Variants in ZCRB1 observed in about 807,000 individuals in gnomAD.
The protein encoded by ZCRB1 is zinc finger CCHC-type and RNA-binding motif-containing protein 1.
A neutral mutation model predicts 29.9 loss-of-function variants in ZCRB1; 21 were observed. That is an observed-to-expected ratio of 0.70 (90% CI 0.50 to 1.01). The LOEUF (loss-of-function observed/expected upper bound fraction) is 1.01, where lower values mean the gene tolerates loss of function less well. Ranked by LOEUF, ZCRB1 falls within the 50% of genes least tolerant of loss-of-function variation. The pLI is 0.00. For missense variants in ZCRB1, 204 were observed against 253.3 expected (o/e 0.81, Z 1.32); for synonymous variants, 77 against 80.0 (o/e 0.96, Z 0.20).
rs752893821 is a variant in ZCRB1 at position 42,317,390 on chromosome 12, A to G, written c.283T>C (p.Phe95Leu). 1 of 1,612,910 alleles carries G rather than the reference A, an allele frequency of 6.2e-7. No individual in the cohort carries two copies. The highest frequency in any genetic ancestry group is 2.2e-5 in the East Asian group (1 of 44,800). The part of the protein sequence containing the change: ...IAIDNGRAAE[F>L]IRRRNYFDKS... ...TCAAAGTAGTTTCGCCTTCGGATGA[A>G]CTCAGCTGCTCTTCCATTGTCAATA... The change falls in exon 5 of 8, where the codon TTC becomes CTC. Residue 95 changes from phenylalanine (F) to leucine (L), a missense_variant. Physicochemically the swap from Phe to Leu is conservative, Grantham distance 22. Coordinates refer to ENST00000266529, the MANE Select transcript of ZCRB1 (RefSeq NM_033114.4).
Position 42,317,765 on chromosome 12 carries a change from T to C in ZCRB1, c.225+22A>G, listed in dbSNP as rs113567879. ...CATAAAGGCTTTGGGGCTAAAAACCTTGATGGAGATGAATAGCTTACCTGT... is the reference window on the plus strand; with the variant it reads ...CATAAAGGCTTTGGGGCTAAAAACCCTGATGGAGATGAATAGCTTACCTGT... On this transcript the variant is annotated intron_variant, in intron 4 of 7. Coordinates refer to ENST00000266529, the MANE Select transcript of ZCRB1 (RefSeq NM_033114.4). 3.9e-4 allele frequency: 626 copies of C among 1,607,606 alleles called. 1 individual carries two copies. In the African/African-American group the frequency reaches 5.8e-3, roughly 15 times the overall value.
intron 3 of ZCRB1, among the ~76,000 whole-genome samples, chr12:42,318,290 TATATTCTTA>T (rs2068604703): frequency 6.6e-6 from 1 of 152,176 alleles, no homozygotes; most frequent in Non-Finnish European, 1.5e-5. Flanking sequence ...AGAATCAAAG[TATATTCTTA>T]ATATTCTTTT....
rs1049738613 is a variant in ZCRB1 at position 42,312,788 on chromosome 12, A to G, written c.*279T>C. 1.0e-5 allele frequency: 2 copies of G among 193,954 alleles called. No homozygotes were observed. Among genetic ancestry groups the G allele is most frequent in the African/African-American group, 4.6e-5 (2 of 43,092 alleles). The allele number at this position is 193,954 out of a possible 1,614,324, so 12.0% of individuals were successfully genotyped here. A position where few individuals can be genotyped will look rare whatever the true frequency, so the allele number is the denominator to read the frequency against. On this transcript the variant is annotated 3_prime_UTR_variant, in exon 8 of 8. Transcript: ENST00000266529. ...ATATTTAAAGACAAAATTCTCTTGAAAAGTTTATTAATATAAGTAACAATA... is the reference window on the plus strand; with the variant it reads ...ATATTTAAAGACAAAATTCTCTTGAGAAGTTTATTAATATAAGTAACAATA...
chr12:42,324,288 A>G (rs2068643660), intron 1 of ZCRB1, among the ~76,000 whole-genome samples, 184 bp from the exon 2 acceptor site: 1 of 152,164 alleles, frequency 6.6e-6, no homozygotes, highest in African/African-American at 2.4e-5. Context: ...AGCTGGGATT[A>G]TAGGCATCCA....
Position 42,322,439 on chromosome 12 carries a change from G to T in ZCRB1, c.92C>A (p.Ser31Tyr). Residue 31 changes from serine to tyrosine, a missense_variant, in exon 3 of 8, where the codon TCC (serine) becomes TAC (tyrosine). Transcript: ENST00000266529. ...TTACTTTACAACTTTGCCATACTTG[G>T]AAAATATCTGAAACAAAAGACCAAA... ...LTNNDLYRIF[S>Y]KYGKVVKVTI... The T allele has an allele frequency of 1.4e-6, 2 of 1,480,920 alleles. No individual in the cohort carries two copies. Among genetic ancestry groups the T allele is most frequent in the Non-Finnish European group, 1.8e-6 (2 of 1,097,914 alleles). The allele number at this position is 1,480,920 out of a possible 1,614,324, so 91.7% of individuals were successfully genotyped here. A position where few individuals can be genotyped will look rare whatever the true frequency, so the allele number is the denominator to read the frequency against.
At chr12:42,318,793 G>C (rs1294042824) in intron 3 of ZCRB1, among the ~76,000 whole-genome samples, 1 of 152,154 alleles carries the variant, frequency 6.6e-6, no homozygotes, top group African/African-American at 2.4e-5. Context: ...ATGAATGAAT[G>C]AATGATGGGG....
At chr12:42,313,790 A>T (rs771972765) in intron 6 of ZCRB1, 25 bp from the exon 7 acceptor site, 6 of 1,613,200 alleles carry the variant, frequency 3.7e-6, no homozygotes, top group Non-Finnish European at 5.1e-6. Context: ...AACAAATTGG[A>T]ATGTAACCAA....
At chr12:42,317,933 G>T in intron 3 of ZCRB1, 35 bp from the exon 4 acceptor site, 1 of 1,538,134 alleles carries the variant, frequency 6.5e-7, no homozygotes, top group Non-Finnish European at 8.9e-7. Flanking sequence ...AAATGAGGCA[G>T]CAATAAATAA....
intron 5 of ZCRB1, among the ~76,000 whole-genome samples, chr12:42,315,312 G>T (rs777584480): frequency 8.3e-4 from 127 of 152,144 alleles, no homozygotes; most frequent in Admixed American, 1.3e-4. Context: ...GTTATGTCAG[G>T]GTAGGGTGTG....
intron 5 of ZCRB1, among the ~76,000 whole-genome samples, chr12:42,315,301 G>A (rs564753146): frequency 1.3e-5 from 2 of 152,148 alleles, no homozygotes; most frequent in African/African-American, 4.8e-5. Context: ...CCATTTAAGA[G>A]GTTATGTCAG....
At chr12:42,323,102 G>C (rs1470624916) in intron 2 of ZCRB1, among the ~76,000 whole-genome samples, 2 of 152,042 alleles carry the variant, frequency 1.3e-5, no homozygotes, top group Non-Finnish European at 2.9e-5. Flanking sequence ...CATATACTAA[G>C]AGTTCCTATT....
chr12:42,316,501 A>ATG (rs150134373), intron 5 of ZCRB1, among the ~76,000 whole-genome samples: 3,526 of 152,268 alleles, frequency 0.023, 144 homozygotes, highest in African/African-American at 0.081. Context: ...AAATTATTCT[A>ATG]TGGCTGTCTC....
Position 42,313,638 on chromosome 12 carries a change from T to TA in ZCRB1, c.522+51dup, listed in dbSNP as rs1250741149. 18 of 1,591,078 alleles carry TA rather than the reference T, an allele frequency of 1.1e-5. No homozygotes were observed. In the East Asian group the frequency reaches 3.6e-4, roughly 32 times the overall value. On this transcript the variant is annotated intron_variant, in intron 7 of 7. Transcript: ENST00000266529. The stretch of plus-strand genomic sequence containing the variant: ...GGTGATCAATGAAGTAAGCAAGCAC[T>TA]ATAAACCAAGTCAACTATTGTATGA...
At chr12:42,317,667 AT>A (rs1211706480) in intron 4 of ZCRB1, 119 bp downstream of exon 4, 1 of 895,814 alleles carries the variant, frequency 1.1e-6, no homozygotes, top group African/African-American at 1.7e-5. Context: ...TATAAGTTAG[AT>A]ATCTTAAGAA....
Position 42,317,827 on chromosome 12 carries a change from T to A in ZCRB1, c.185A>T (p.Asp62Val). Residue 62 changes from aspartate to valine, a missense_variant, in exon 4 of 8, where the codon GAC becomes GTC. Physicochemically the swap from Asp to Val is radical, Grantham distance 152. Transcript: ENST00000266529. Reference protein sequence around the residue: ...GVAFILFLDKDSAQNCTRAIN... With the variant: ...GVAFILFLDKVSAQNCTRAIN... ...TGCCCTGGTACAGTTTTGTGCAGAG[T>A]CTTTATCCAAAAATAAAATAAATGC... is the stretch of plus-strand genomic sequence containing the variant. 1 of 1,613,712 alleles carries A rather than the reference T, an allele frequency of 6.2e-7. No individual in the cohort carries two copies. The highest frequency in any genetic ancestry group is 8.5e-7 in the Non-Finnish European group (1 of 1,179,894).
intron 7 of ZCRB1, 113 bp downstream of exon 7, chr12:42,313,577 T>A: frequency 8.8e-7 from 1 of 1,141,248 alleles, no homozygotes; most frequent in Non-Finnish European, 1.3e-6. Flanking sequence ...CTCCTAAGGC[T>A]TAGGAGGTTA....
intron 5 of ZCRB1, among the ~76,000 whole-genome samples, chr12:42,315,565 G>C (rs190483088): frequency 5.3e-5 from 8 of 152,164 alleles, no homozygotes; most frequent in Admixed American, 5.2e-4. Context: ...GAAATAACTT[G>C]AGAAAAACCA....
chr12:42,316,164 G>A (rs949105436), intron 5 of ZCRB1, among the ~76,000 whole-genome samples: 4 of 151,896 alleles, frequency 2.6e-5, no homozygotes, highest in Non-Finnish European at 4.4e-5. Flanking sequence ...GAGTAATCTC[G>A]GCTCACTGCA....
chr12:42,321,029 G>A (rs2068618832), intron 3 of ZCRB1, among the ~76,000 whole-genome samples: 1 of 152,002 alleles, frequency 6.6e-6, no homozygotes, highest in African/African-American at 2.4e-5. Context: ...TTGCCACAGG[G>A]CCTTTGCACA....
Sources: allele counts gnomAD v4.1 joint callset (sites outside exome capture counted in the v4.1 genomes callset), GRCh38; gene constraint gnomAD v4.1.1; transcripts MANE v1.5; gene names NCBI Gene and HGNC (gene_info 2026-07-23, HGNC 2026-07-21).